The following FAM13B variants were observed in gnomAD, a reference collection of about 807,000 sequenced individuals.
The protein encoded by FAM13B is protein FAM13B.
A neutral mutation model predicts 117.3 loss-of-function variants in FAM13B; 60 were observed. That is an observed-to-expected ratio of 0.51 (90% CI 0.42 to 0.63). The LOEUF is 0.63. Among genes scored for constraint, FAM13B ranks in the 30% least tolerant of loss-of-function variants. The pLI, the probability that FAM13B is intolerant of heterozygous loss-of-function variation, is 0.00. For synonymous variants in FAM13B, 332 were observed against 356.1 expected, an observed-to-expected ratio of 0.93 and a Z score of 0.76; for missense variants, 972 against 1,091.9, an observed-to-expected ratio of 0.89 and a Z score of 1.55.
Position 137,992,042 on chromosome 5 carries a change from G to A in FAM13B, c.849-3727C>T, listed in dbSNP as rs545796832. Among the ~76,000 whole-genome samples the A allele has an allele frequency of 1.9e-3, 283 of 151,828 alleles. 1 individual carries two copies. Among genetic ancestry groups the A allele is most frequent in the Non-Finnish European group, 2.5e-3 (167 of 67,912 alleles). On this transcript the variant is annotated intron_variant, in intron 7 of 23. Coordinates refer to ENST00000689681, the MANE Select transcript of FAM13B (RefSeq NM_001385994.1). ...TCAAGGGATTCTCCTGCCTCAGACC[G>A]CCAAATAAGTGGGACTACAGGCACA...
At chr5:137,948,920 G>A in intron 18 of FAM13B, 35 bp downstream of exon 18, 10 of 1,531,112 alleles carry the variant, frequency 6.5e-6, no homozygotes, top group Non-Finnish European at 9.0e-6. Flanking sequence ...GAATTCTAAA[G>A]GCTAATCTGG....
At chr5:138,046,996 G>A (rs867265794) in intron 1 of FAM13B, among the ~76,000 whole-genome samples, 8 of 151,698 alleles carry the variant, frequency 5.3e-5, no homozygotes, top group Non-Finnish European at 8.8e-5. Context: ...CACCTGCCTC[G>A]GCCTCCCAAA....
intron 7 of FAM13B, among the ~76,000 whole-genome samples, chr5:137,996,064 G>A (rs929180009): frequency 2.6e-5 from 4 of 152,152 alleles, no homozygotes; most frequent in African/African-American, 7.2e-5. Flanking sequence ...ACTACAGTCC[G>A]CATACCCCTC....
chr5:137,959,894 C>G lies in FAM13B; in HGVS notation c.1294-131G>C, dbSNP rs895619001. 10 of 808,028 alleles carry G rather than the reference C, an allele frequency of 1.2e-5. No homozygotes were observed. In the Admixed American group the frequency reaches 2.9e-4, roughly 23 times the overall value. The allele number at this position is 808,028 out of a possible 1,614,324, so 50.1% of individuals were successfully genotyped here. On this transcript the variant is annotated intron_variant, in intron 12 of 23. Transcript: ENST00000689681. ...GCCTATACAGCCAACTGTCCCACTC[C>G]CACTGTGCAAACTATTTTCAAATAT...
Position 137,943,886 on chromosome 5 carries a change from A to T in FAM13B, c.2341-670T>A, listed in dbSNP as rs543750265. 2.0e-5 allele frequency among the ~76,000 whole-genome samples: 3 copies of T among 152,320 alleles called. 1 individual carries two copies. Among genetic ancestry groups the T allele is most frequent in the Middle Eastern group, 6.8e-3 (2 of 294 alleles). The stretch of plus-strand genomic sequence containing the variant: ...AATAACTTTATTAAGATATAATTAT[A>T]TATCATAAAATTCACCCTTTTAAAA... On this transcript the variant is annotated intron_variant, in intron 20 of 23. Transcript: ENST00000689681.
intron 16 of FAM13B, 129 bp from the exon 17 acceptor site, chr5:137,952,838 A>G: frequency 1.7e-6 from 1 of 592,168 alleles, no homozygotes; most frequent in Non-Finnish European, 2.9e-6. Flanking sequence ...TATTTTAATT[A>G]GATAGGGCAG....
At chr5:137,968,219 C>CAAA (rs61341338) in intron 10 of FAM13B, among the ~76,000 whole-genome samples, 24 of 121,272 alleles carry the variant, frequency 2.0e-4, no homozygotes, top group African/African-American at 2.2e-4. Context: ...AAGACTGTCT[C>CAAA]AAAAAAAAAA....
chr5:137,973,128 C>CA (rs1414161353), intron 10 of FAM13B, among the ~76,000 whole-genome samples: 1 of 152,106 alleles, frequency 6.6e-6, no homozygotes, highest in Non-Finnish European at 1.5e-5. Flanking sequence ...CATATGGAAC[C>CA]AAAAAACAGC....
intron 10 of FAM13B, among the ~76,000 whole-genome samples, chr5:137,966,478 T>TAGAGAGAGAG (rs1203765238): frequency 3.1e-5 from 2 of 64,420 alleles, no homozygotes; most frequent in Non-Finnish European, 6.3e-5. Flanking sequence ...TATATATATA[T>TAGAGAGAGAG]ATATATATAT....
chr5:138,045,604 T>C (rs929814082), intron 1 of FAM13B, among the ~76,000 whole-genome samples: 5 of 151,846 alleles, frequency 3.3e-5, no homozygotes, highest in Non-Finnish European at 5.9e-5. Context: ...ATCATAGCAA[T>C]AAAGAAGGTA....
At chr5:137,980,104 C>CGGA in intron 10 of FAM13B, among the ~76,000 whole-genome samples, 1 of 148,608 alleles carries the variant, frequency 6.7e-6, no homozygotes, top group Non-Finnish European at 1.5e-5. Flanking sequence ...ACCTAGGAGA[C>CGGA]GGAGGTTGCA....
chr5:138,028,517 A>C (rs974377381), intron 1 of FAM13B, among the ~76,000 whole-genome samples: 16 of 152,334 alleles, frequency 1.1e-4, no homozygotes, highest in African/African-American at 3.8e-4. Flanking sequence ...AAGCTGGTAC[A>C]TGAACAAAAA....
chr5:138,028,126 G>A (rs987004138), intron 1 of FAM13B, among the ~76,000 whole-genome samples: 4 of 151,418 alleles, frequency 2.6e-5, no homozygotes, highest in Non-Finnish European at 5.9e-5. Flanking sequence ...CAGATACAAA[G>A]TATAACTAAT....
At chr5:138,044,713 T>C (rs1791596241) in intron 1 of FAM13B, among the ~76,000 whole-genome samples, 1 of 152,208 alleles carries the variant, frequency 6.6e-6, no homozygotes, top group African/African-American at 2.4e-5. Context: ...AAAAGTTAGC[T>C]ACAAAACATT....
In FAM13B at chr5:137,975,980, C is replaced by CTCTTTTTTTTTTTT. The variant is rs1773824546; in HGVS notation, c.1179+9276_1179+9277insAAAAAAAAAAAAGA. ...CCACAACCAGACTGCTCAACTCTTCCTTTTTTTTTTTTTTTGAGACAGTCT... is the reference window on the plus strand; with the variant it reads ...CCACAACCAGACTGCTCAACTCTTCCTCTTTTTTTTTTTTTTTTTTTTTTTTTTTGAGACAGTCT... On this transcript the variant is annotated intron_variant, in intron 10 of 23. Transcript: ENST00000689681. Among the ~76,000 whole-genome samples the CTCTTTTTTTTTTTT allele has an allele frequency of 1.8e-5, 2 of 110,206 alleles. 1 individual carries two copies. Among genetic ancestry groups the CTCTTTTTTTTTTTT allele is most frequent in the Non-Finnish European group, 3.5e-5 (2 of 57,492 alleles). 72.3% of individuals were successfully genotyped at this position (110,206 alleles called of 152,430 possible). A position where few individuals can be genotyped will look rare whatever the true frequency, so the allele number is the denominator to read the frequency against.
intron 7 of FAM13B, among the ~76,000 whole-genome samples, chr5:138,003,764 A>G (rs1256097473): frequency 6.6e-6 from 1 of 152,222 alleles, no homozygotes; most frequent in African/African-American, 2.4e-5. Context: ...CCAAAGCAGA[A>G]TAACAGACAG....
In FAM13B at chr5:138,006,973, T is replaced by C; in HGVS notation, c.848+17A>G. ...TGAAATACTCAAAAGCTAAAGTTCATTCAACTGAGCTATTACCTTGTTGCC... is the reference window on the plus strand; with the variant it reads ...TGAAATACTCAAAAGCTAAAGTTCACTCAACTGAGCTATTACCTTGTTGCC... On this transcript the variant is annotated intron_variant, in intron 7 of 23. Transcript: ENST00000689681. The C allele has an allele frequency of 1.3e-6, 2 of 1,584,464 alleles. No homozygotes were observed. Among genetic ancestry groups the C allele is most frequent in the South Asian group, 1.2e-5 (1 of 85,130 alleles).
intron 18 of FAM13B, among the ~76,000 whole-genome samples, chr5:137,947,105 C>T (rs17171647): frequency 0.74 from 112,342 of 152,176 alleles, 42,128 homozygotes; most frequent in East Asian, 0.97. Flanking sequence ...TTAAAACAAA[C>T]TTGTCCCCTT....
intron 10 of FAM13B, among the ~76,000 whole-genome samples, chr5:137,971,667 C>T (rs192506109): frequency 0.014 from 2,117 of 151,818 alleles, 39 homozygotes; most frequent in African/African-American, 0.047. Context: ...ATTAACGAAT[C>T]CAGGAGCTGG....
Sources: allele counts gnomAD v4.1 joint callset (sites outside exome capture counted in the v4.1 genomes callset), GRCh38; gene constraint gnomAD v4.1.1; transcripts MANE v1.5; gene names NCBI Gene and HGNC (gene_info 2026-07-23, HGNC 2026-07-21).